Variants in MTO1 observed in about 807,000 individuals in gnomAD.
MTO1 encodes the protein mitochondrial tRNA translation optimization 1.
MTO1 carries 46 observed loss-of-function variants against 71.6 expected under a neutral mutation model. The ratio of observed to expected loss-of-function variants is 0.64; its 90% CI spans 0.51 to 0.82. MTO1 has a LOEUF of 0.82. Among genes scored for constraint, MTO1 ranks in the 40% least tolerant of loss-of-function variants. The pLI, the probability that MTO1 is intolerant of heterozygous loss-of-function variation, is 0.00. For missense variants in MTO1, 773 were observed against 867.5 expected (o/e 0.89, Z 1.37); for synonymous variants, 297 against 312.1 (o/e 0.95, Z 0.51).
chr6:73,494,246 G>T (rs1037918469), intron 10 of MTO1, among the ~76,000 whole-genome samples: 1 of 151,618 alleles, frequency 6.6e-6, no homozygotes, highest in African/African-American at 2.4e-5. Context: ...AAAAAAAAAA[G>T]AAAAGAAAAT....
rs2150024452 is a variant in MTO1, at chr6:73,461,996, G to A, written c.142G>A (p.Gly48Arg). 6.2e-7 allele frequency: 1 copy of A among 1,614,022 alleles called. No individual in the cohort carries two copies. The highest frequency in any genetic ancestry group is 1.3e-5 in the African/African-American group (1 of 75,060). ...DVIVIGGGHAGTEAATAAARC... is the reference protein window; with the variant it reads ...DVIVIGGGHARTEAATAAARC... ...GATAGTCATTGGTGGAGGACATGCCGGGACTGAGGCAGCCACCGCCGCCGC... is the reference window on the plus strand; with the variant it reads ...GATAGTCATTGGTGGAGGACATGCCAGGACTGAGGCAGCCACCGCCGCCGC... Residue 48 changes from glycine to arginine, a missense_variant, in exon 1 of 12, where the codon GGG becomes AGG. Gly to Arg is a moderately radical substitution (Grantham distance 125). Transcript: ENST00000498286.
intron 3 of MTO1, among the ~76,000 whole-genome samples, chr6:73,470,491 C>T (rs1771123804): frequency 6.6e-6 from 1 of 152,052 alleles, no homozygotes; most frequent in Admixed American, 6.6e-5. Flanking sequence ...CAGGCATGAG[C>T]CACCGCGCGT....
chr6:73,495,249 C>T (rs2150043833), intron 10 of MTO1, among the ~76,000 whole-genome samples: 1 of 152,256 alleles, frequency 6.6e-6, no homozygotes, highest in South Asian at 2.1e-4. Flanking sequence ...AATTATTAAA[C>T]ACTAGCAATA....
rs372283527 is a variant in MTO1 at position 73,461,850 on chromosome 6, C to A, written c.-5C>A. On this transcript the variant is annotated 5_prime_UTR_variant, in exon 1 of 12. Coordinates refer to ENST00000498286, the MANE Select transcript of MTO1 (RefSeq NM_012123.4). ...CTTCAAAGTCAGATAGATTTTTCTC[C>A]CAGCATGTTCTACTTCCGAGGCTGT... is the stretch of plus-strand genomic sequence containing the variant. 6.2e-7 allele frequency: 1 copy of A among 1,608,250 alleles called. No individual in the cohort carries two copies. The highest frequency in any genetic ancestry group is 8.5e-7 in the Non-Finnish European group (1 of 1,175,124).
intron 10 of MTO1, among the ~76,000 whole-genome samples, chr6:73,494,176 A>G (rs1424340636): frequency 1.3e-5 from 2 of 152,094 alleles, no homozygotes; most frequent in Non-Finnish European, 2.9e-5. Context: ...CGGAGGTTGC[A>G]GTGAGCCGAG....
intron 10 of MTO1, among the ~76,000 whole-genome samples, chr6:73,496,148 A>G (rs1771972625): frequency 6.6e-6 from 1 of 152,190 alleles, no homozygotes; most frequent in Admixed American, 6.6e-5. Flanking sequence ...GTCAGAGGGT[A>G]ATTCATTGTT....
rs766570682 is a variant in MTO1, at chr6:73,492,224, A to G, written c.1638-10A>G. 1.9e-6 allele frequency: 3 copies of G among 1,569,700 alleles called. No homozygotes were observed. The East Asian group carries it at 6.7e-5, about 35-fold the overall frequency. On this transcript the variant is annotated splice_polypyrimidine_tract_variant and intron_variant, in intron 9 of 11. Transcript: ENST00000498286. The stretch of plus-strand genomic sequence containing the variant: ...ATCCTTATGTTAATGAAACTTTCAT[A>G]TATTTGCAGAGCTCTCGATGTTCTG...
chr6:73,474,827 C>T (rs1771265650), intron 4 of MTO1, among the ~76,000 whole-genome samples: 1 of 151,608 alleles, frequency 6.6e-6, no homozygotes, highest in African/African-American at 2.4e-5. Flanking sequence ...GCAATCTCGG[C>T]TTACTGCAAC....
chr6:73,496,572 G>A (rs1582700640), intron 10 of MTO1, among the ~76,000 whole-genome samples: 1 of 150,488 alleles, frequency 6.6e-6, no homozygotes, highest in Non-Finnish European at 1.5e-5. Context: ...CCATGCTGGT[G>A]TGCTGCACCC....
At chr6:73,471,771 G>A (rs903516) in intron 3 of MTO1, 10,780 of 164,628 alleles carry the variant, frequency 0.065, 485 homozygotes, top group East Asian at 0.19. Context: ...ATATTTTATA[G>A]GCCCAACAAT....
In MTO1 at chr6:73,503,888, C is replaced by T. The variant is rs1289437825; in HGVS notation, c.*3153C>T. 1.3e-5 allele frequency: 2 copies of T among 152,066 alleles called. No homozygotes were observed. Among genetic ancestry groups the T allele is most frequent in the African/African-American group, 4.8e-5 (2 of 41,424 alleles). The allele number at this position is 152,066 out of a possible 1,614,324, so 9.4% of individuals were successfully genotyped here. ...ACTGATGGTTTTAAAAGTATTTTGTCATTTTTTAGTTTCAACCTAGATTGG... is the reference window on the plus strand; with the variant it reads ...ACTGATGGTTTTAAAAGTATTTTGTTATTTTTTAGTTTCAACCTAGATTGG... On this transcript the variant is annotated 3_prime_UTR_variant, in exon 12 of 12. Coordinates refer to ENST00000498286, the MANE Select transcript of MTO1 (RefSeq NM_012123.4).
Position 73,500,602 on chromosome 6 carries a change from T to C in MTO1, c.1946T>C (p.Val649Ala), listed in dbSNP as rs916752618. The C allele has an allele frequency of 6.2e-7, 1 of 1,613,500 alleles. No homozygotes were observed. The highest frequency in any genetic ancestry group is 1.3e-5 in the African/African-American group (1 of 74,882). ...GGGGCTGCTAGTCGCATACCCGGAG[T>C]AACACCTGCCGCCATCATCAATCTG... The part of the protein sequence containing the change: ...TIGAASRIPG[V>A]TPAAIINLLR... The change falls in exon 12 of 12, where the codon GTA becomes GCA. Residue 649 changes from valine (V) to alanine (A), a missense_variant. Transcript: ENST00000498286.
In MTO1 at chr6:73,480,632, C is replaced by T. The variant is rs1460681776; in HGVS notation, c.1130-43C>T. On this transcript the variant is annotated intron_variant, in intron 6 of 11. Coordinates refer to ENST00000498286, the MANE Select transcript of MTO1 (RefSeq NM_012123.4). ...CTTGCATCTCTACCTTGAGCAAATC[C>T]AGCTCTGTATTTACTTATTTAATGT... The T allele has an allele frequency of 2.5e-6, 4 of 1,609,270 alleles. No homozygotes were observed. In the South Asian group the frequency reaches 4.4e-5, roughly 18 times the overall value.
chr6:73,500,971 C>T lies in MTO1; in HGVS notation c.*236C>T, dbSNP rs145795187. 3.2e-6 allele frequency: 1 copy of T among 310,014 alleles called. No homozygotes were observed. The highest frequency in any genetic ancestry group is 5.3e-5 in the East Asian group (1 of 18,712). 19.2% of individuals were successfully genotyped at this position (310,014 alleles called of 1,614,324 possible). On this transcript the variant is annotated 3_prime_UTR_variant, in exon 12 of 12. Transcript: ENST00000498286. ...GAGCTGTAATACAAATAACTTTGTGCAGTGTTCATCAAAGAGAGAGACAGT... is the reference window on the plus strand; with the variant it reads ...GAGCTGTAATACAAATAACTTTGTGTAGTGTTCATCAAAGAGAGAGACAGT...
intron 1 of MTO1, among the ~76,000 whole-genome samples, chr6:73,464,978 C>T (rs1051926142): frequency 6.6e-6 from 1 of 151,972 alleles, no homozygotes; most frequent in Non-Finnish European, 1.5e-5. Flanking sequence ...GTTTAGACCT[C>T]CAGGTAAGAC....
chr6:73,497,663 A>G (rs1772025828), intron 10 of MTO1, 73 bp from the exon 11 acceptor site: 4 of 1,443,670 alleles, frequency 2.8e-6, no homozygotes, highest in Non-Finnish European at 3.8e-6. Flanking sequence ...AAATTGTAAG[A>G]GGCTACATAA....
At chr6:73,475,345 C>T (rs142839134) in intron 4 of MTO1, among the ~76,000 whole-genome samples, 3 of 151,886 alleles carry the variant, frequency 2.0e-5, no homozygotes, top group Admixed American at 6.6e-5. Context: ...TGCAATGGCA[C>T]GATCTCAGCT....
chr6:73,499,503 CAG>C (rs1772094284), intron 11 of MTO1, among the ~76,000 whole-genome samples: 1 of 141,540 alleles, frequency 7.1e-6, no homozygotes, highest in Admixed American at 7.2e-5. Flanking sequence ...GCCTGGGTGA[CAG>C]AGTGAAACCC....
intron 9 of MTO1, among the ~76,000 whole-genome samples, chr6:73,486,379 T>A (rs924146506): frequency 6.6e-6 from 1 of 152,096 alleles, no homozygotes; most frequent in Non-Finnish European, 1.5e-5. Flanking sequence ...TAACTCCCCC[T>A]TTCTCTCCTT....
Sources: allele counts gnomAD v4.1 joint callset (sites outside exome capture counted in the v4.1 genomes callset), GRCh38; gene constraint gnomAD v4.1.1; transcripts MANE v1.5; gene names NCBI Gene and HGNC (gene_info 2026-07-23, HGNC 2026-07-21).